The following RANBP1 variants were observed in gnomAD, a reference collection of about 807,000 sequenced individuals.
RANBP1 encodes ran-specific GTPase-activating protein.
In RANBP1, 16 loss-of-function variants were observed where a neutral mutation model predicts 31.4. That is an observed-to-expected ratio of 0.51 (90% CI 0.34 to 0.77). RANBP1 has a LOEUF of 0.77. Ranked by LOEUF, RANBP1 falls within the 30% of genes least tolerant of loss-of-function variation. The pLI is 0.01. For missense variants in RANBP1, 265 were observed against 362.0 expected, an observed-to-expected ratio of 0.73 and a Z score of 2.17; for synonymous variants, 129 against 140.5, an observed-to-expected ratio of 0.92 and a Z score of 0.58.
At position 20,118,339 on chromosome 22, in the gene RANBP1, TA is replaced by T. The variant is rs544778018; in HGVS notation, c.247-670del. On this transcript the variant is annotated intron_variant, in intron 1 of 5. Transcript: ENST00000430524. Reference sequence around the variant, plus strand: ...GCATGTGTTCTGGAAGACTCGAACCTAAAATATGATTATTGGTGCTCTCTTA... The same window carrying T: ...GCATGTGTTCTGGAAGACTCGAACCTAAATATGATTATTGGTGCTCTCTTA... 2.2e-4 allele frequency: 216 copies of T among 1,002,240 alleles called. 1 individual carries two copies. In the East Asian group the frequency reaches 0.018, roughly 83 times the overall value. 62.1% of individuals were successfully genotyped at this position (1,002,240 alleles called of 1,614,324 possible). A position where few individuals can be genotyped will look rare whatever the true frequency, so the allele number is the denominator to read the frequency against.
Position 20,122,310 on chromosome 22 carries a change from T to C in RANBP1, c.430T>C (p.Trp144Arg). 6.2e-7 allele frequency: 1 copy of C among 1,613,126 alleles called. No individual in the cohort carries two copies. Among genetic ancestry groups the C allele is most frequent in the Non-Finnish European group, 8.5e-7 (1 of 1,179,920 alleles). The change falls in exon 3 of 6, where the codon TGG becomes CGG. Residue 144 changes from tryptophan to arginine, a missense_variant. Around this residue, in one of 3 missense-constraint regions of RANBP1, gnomAD observed 90 missense variants for 190.5 expected, o/e 0.47. Coordinates refer to ENST00000430524, the MANE Select transcript of RANBP1 (RefSeq NM_001278639.2). The part of the protein sequence containing the change: ...RFASENDLPE[W>R]KERGTGDVKL... ...TGCCTCTGAGAACGATCTCCCAGAATGGAAGGAGCGAGGCACTGGTGACGT... is the reference window on the plus strand; with the variant it reads ...TGCCTCTGAGAACGATCTCCCAGAACGGAAGGAGCGAGGCACTGGTGACGT...
intron 3 of RANBP1, chr22:20,124,007 C>T: frequency 6.6e-6 from 1 of 152,574 alleles, no homozygotes; most frequent in Non-Finnish European, 1.5e-5. Flanking sequence ...TCTGCCTATG[C>T]CATGGGCACC....
At chr22:20,122,446 G>A (rs768548358) in intron 3 of RANBP1, 25 bp downstream of exon 3, 195 of 1,611,086 alleles carry the variant, frequency 1.2e-4, no homozygotes, top group Admixed American at 2.3e-4. Flanking sequence ...CGACCACCTC[G>A]ACAGTCCCCA....
chr22:20,123,051 T>C (rs1270010633), intron 3 of RANBP1, among the ~76,000 whole-genome samples: 1 of 58,778 alleles, frequency 1.7e-5, no homozygotes, highest in African/African-American at 7.4e-5. Context: ...GGGTGTGTGG[T>C]TGGGGGTCTG....
At chr22:20,119,180 T>C (rs1437859780) in intron 2 of RANBP1, 31 bp downstream of exon 2, 3 of 1,601,322 alleles carry the variant, frequency 1.9e-6, no homozygotes, top group South Asian at 1.1e-5. Flanking sequence ...GAAATAGGAC[T>C]CTTTAAGGTT....
Position 20,125,149 on chromosome 22 carries a change from G to A in RANBP1, c.542-159G>A, listed in dbSNP as rs369703104. ...GAGGTTTGAATAAAACTCAGGCGCC[G>A]TGGTACTTTGTCTAAGCCTGGTTCT... On this transcript the variant is annotated intron_variant, in intron 3 of 5. Transcript: ENST00000430524. The A allele has an allele frequency of 1.0e-4, 73 of 732,850 alleles. No individual in the cohort carries two copies. In the African/African-American group the frequency reaches 1.1e-3, roughly 11 times the overall value. 45.4% of individuals were successfully genotyped at this position (732,850 alleles called of 1,614,324 possible).
At chr22:20,123,501 T>G in intron 3 of RANBP1, among the ~76,000 whole-genome samples, 1 of 128,484 alleles carries the variant, frequency 7.8e-6, no homozygotes, top group East Asian at 2.4e-4. Context: ...GGGGTGTGTG[T>G]GAGAGAGATT....
At chr22:20,119,736 C>CGATCT (rs1212571944) in intron 2 of RANBP1, among the ~76,000 whole-genome samples, 2 of 152,144 alleles carry the variant, frequency 1.3e-5, no homozygotes, top group Non-Finnish European at 2.9e-5. Flanking sequence ...AGGATGGTCT[C>CGATCT]GATCTCCTGA....
chr22:20,117,545 G>C (rs1005305459), intron 1 of RANBP1: 1 of 1,391,718 alleles, frequency 7.2e-7, no homozygotes, highest in Non-Finnish European at 9.3e-7. Flanking sequence ...GCGGGCGGGA[G>C]GCGCCGGCGC....
intron 1 of RANBP1, chr22:20,118,014 C>G (rs1045845848): frequency 2.0e-6 from 2 of 994,286 alleles, no homozygotes; most frequent in African/African-American, 3.5e-5. Flanking sequence ...GGGCTCCCCA[C>G]TAGTACGGTG....
chr22:20,116,693 A>T, intron 1 of RANBP1: 3 of 1,478,360 alleles, frequency 2.0e-6, no homozygotes, highest in Non-Finnish European at 2.7e-6. Flanking sequence ...TGGGACACCC[A>T]GACCTCCGTC....
At chr22:20,116,823 A>ACCCCCCCCCCCCCCCCCCCCCCC in intron 1 of RANBP1, 2 of 1,294,018 alleles carry the variant, frequency 1.5e-6, no homozygotes, top group Non-Finnish European at 2.2e-6. Flanking sequence ...AGGTTTCCTG[A>ACCCCCCCCCCCCCCCCCCCCCCC]CCCACCCCGC....
rs1443000381 is a variant in RANBP1, at chr22:20,126,351, A to G, written c.719A>G (p.Glu240Gly). ...TTTGAAGAATGCAGGAAAGAGATCG[A>G]AGAGAGAGAAAAGAAAGGTGACGTG... ...TKFEECRKEI[E>G]EREKKAGSGK... is the part of the protein sequence containing the mutation. Residue 240 changes from glutamate to glycine, a missense_variant, in exon 5 of 6, where the codon GAA becomes GGA. Glu to Gly is a moderately conservative substitution (Grantham distance 98, BLOSUM62 -2). Coordinates refer to ENST00000430524, the MANE Select transcript of RANBP1 (RefSeq NM_001278639.2). 4 of 1,614,016 alleles carry G rather than the reference A, an allele frequency of 2.5e-6. No homozygotes were observed. Among genetic ancestry groups the G allele is most frequent in the South Asian group, 1.1e-5 (1 of 91,086 alleles).
rs142893666 is a variant in RANBP1 at position 20,122,673 on chromosome 22, G to A, written c.541+252G>A. On this transcript the variant is annotated intron_variant, in intron 3 of 5. Coordinates refer to ENST00000430524, the MANE Select transcript of RANBP1 (RefSeq NM_001278639.2). ...ACGGGCCCTGATGGGAGGACGCAGCGCCCAGGCTGGGCTCGGGACGAGGAG... is the reference window on the plus strand; with the variant it reads ...ACGGGCCCTGATGGGAGGACGCAGCACCCAGGCTGGGCTCGGGACGAGGAG... 8.0e-5 allele frequency: 117 copies of A among 1,457,868 alleles called. 1 individual carries two copies. In the Middle Eastern group the frequency reaches 1.1e-3, roughly 14 times the overall value. The allele number at this position is 1,457,868 out of a possible 1,614,324, so 90.3% of individuals were successfully genotyped here.
rs754032519 is a variant in RANBP1 at position 20,116,654 on chromosome 22, C to T, written c.246+224C>T. On this transcript the variant is annotated intron_variant, in intron 1 of 5. Transcript: ENST00000430524. ...GGGGTGCTAGGGTGAGGACTAGGCCCTGGGGGCCTGGCCCCCCAAGCTTCC... is the reference window on the plus strand; with the variant it reads ...GGGGTGCTAGGGTGAGGACTAGGCCTTGGGGGCCTGGCCCCCCAAGCTTCC... 1.6e-5 allele frequency: 24 copies of T among 1,512,258 alleles called. No individual in the cohort carries two copies. The South Asian group carries it at 2.9e-4, about 18-fold the overall frequency. The allele number at this position is 1,512,258 out of a possible 1,614,324, so 93.7% of individuals were successfully genotyped here.
At chr22:20,122,731 G>C in intron 3 of RANBP1, 1 of 974,746 alleles carries the variant, frequency 1.0e-6, no homozygotes. Flanking sequence ...TGCTGTGTGT[G>C]TGTGTGTGTG....
At position 20,119,049 on chromosome 22, in the gene RANBP1, A is replaced by T; in HGVS notation, c.283A>T (p.Thr95Ser). ...GGACCATGATACTTCCACTGAGAAT[A>T]CAGACGAGTCCAACCATGACCCTCA... ...HEDHDTSTEN[T>S]DESNHDPQFE... is the part of the protein sequence containing the mutation. The change falls in exon 2 of 6, where the codon ACA (threonine) becomes TCA (serine). Residue 95 changes from threonine (T) to serine (S), a missense_variant. Transcript: ENST00000430524. The T allele has an allele frequency of 6.2e-7, 1 of 1,613,320 alleles. No individual in the cohort carries two copies. Among genetic ancestry groups the T allele is most frequent in the Non-Finnish European group, 8.5e-7 (1 of 1,179,694 alleles).
rs2050016596 is a variant in RANBP1, at chr22:20,116,317, C to T, written c.133C>T (p.Pro45Ser). 1 of 1,612,970 alleles carries T rather than the reference C, an allele frequency of 6.2e-7. No homozygotes were observed. The highest frequency in any genetic ancestry group is 8.5e-7 in the Non-Finnish European group (1 of 1,180,018). ...RNVTKAQGGC[P>S]KSLVLWGCRP... ...TGTCACAAAGGCGCAGGGTGGTTGC[C>T]CAAAGAGTTTGGTTTTGTGGGGCTG... The change falls in exon 1 of 6, where the codon CCA (proline) becomes TCA (serine). Residue 45 changes from proline to serine, a missense_variant. Pro to Ser is a moderately conservative substitution (Grantham distance 74). Transcript: ENST00000430524.
chr22:20,120,396 G>A (rs978182890), intron 2 of RANBP1, among the ~76,000 whole-genome samples: 4 of 152,204 alleles, frequency 2.6e-5, no homozygotes, highest in African/African-American at 9.6e-5. Flanking sequence ...TGCCCATGTC[G>A]GGTGGGAGGT....
Sources: allele counts gnomAD v4.1 joint callset (sites outside exome capture counted in the v4.1 genomes callset), GRCh38; gene constraint gnomAD v4.1.1; regional missense constraint gnomAD v4.1.1; transcripts MANE v1.5; gene names NCBI Gene and HGNC (gene_info 2026-07-23, HGNC 2026-07-21).